The following ENTPD5 variants were observed in gnomAD, a reference collection of about 807,000 sequenced individuals.
ENTPD5 encodes nucleoside diphosphate phosphatase ENTPD5.
Under a neutral mutation model 60.2 loss-of-function variants are expected in ENTPD5, and 49 were observed. That is an observed-to-expected ratio of 0.81 (90% confidence interval 0.65 to 1.03). ENTPD5 has a LOEUF of 1.03. ENTPD5 is among the 50% of genes least tolerant of loss of function. The pLI, the probability that ENTPD5 is intolerant of heterozygous loss-of-function variation, is 0.00. For missense variants in ENTPD5, 480 were observed against 507.6 expected, an observed-to-expected ratio of 0.95 and a Z score of 0.52; for synonymous variants, 187 against 185.4, an observed-to-expected ratio of 1.01 and a Z score of -0.07.
chr14:74,011,052 C>T (rs2140862719), intron 3 of ENTPD5, 39 bp downstream of exon 3: 1 of 442,350 alleles, frequency 2.3e-6, no homozygotes, highest in Non-Finnish European at 3.0e-6. Context: ...GAAATCTGAC[C>T]TATGAAAAAG....
At chr14:73,971,822 T>A in intron 14 of ENTPD5, 30 bp downstream of exon 14, 1 of 1,553,236 alleles carries the variant, frequency 6.4e-7, no homozygotes, top group South Asian at 1.1e-5. Flanking sequence ...TCTCACAGGC[T>A]TACCTTCAAG....
At chr14:73,990,623 C>A (rs1434145679) in intron 3 of ENTPD5, among the ~76,000 whole-genome samples, 1 of 152,024 alleles carries the variant, frequency 6.6e-6, no homozygotes, top group Non-Finnish European at 1.5e-5. Context: ...GCCACTTCAC[C>A]CAGCCGGATT....
downstream of ENTPD5, chr14:73,959,079 G>A (rs376432164): frequency 6.2e-7 from 1 of 1,614,182 alleles, no homozygotes; most frequent in Non-Finnish European, 8.5e-7. Flanking sequence ...TTTATCAGAG[G>A]TAAGATCCTG....
At chr14:73,967,296 C>G (rs1459171825) in intron 15 of ENTPD5, among the ~76,000 whole-genome samples, 1 of 152,216 alleles carries the variant, frequency 6.6e-6, no homozygotes, top group African/African-American at 2.4e-5. Context: ...TTTAGACAGA[C>G]AGTATTCTGA....
chr14:74,015,095 A>G (rs899957675), intron 2 of ENTPD5, among the ~76,000 whole-genome samples: 1 of 148,786 alleles, frequency 6.7e-6, no homozygotes, highest in Non-Finnish European at 1.5e-5. Context: ...AAAAAAAAAA[A>G]GAAAGTAACT....
At chr14:73,994,719 A>G (rs2058275872) in intron 3 of ENTPD5, among the ~76,000 whole-genome samples, 1 of 145,270 alleles carries the variant, frequency 6.9e-6, no homozygotes, top group South Asian at 2.2e-4. Flanking sequence ...CGACAGAGCG[A>G]GACTCCATCT....
chr14:73,973,066 T>C (rs1412897379), intron 12 of ENTPD5, 42 bp from the exon 13 acceptor site: 22 of 1,608,368 alleles, frequency 1.4e-5, no homozygotes, highest in Non-Finnish European at 1.8e-5. Flanking sequence ...AGAACGACGC[T>C]GGGGGAAGGG....
At chr14:74,007,469 C>T (rs2058714945) in intron 3 of ENTPD5, among the ~76,000 whole-genome samples, 2 of 151,796 alleles carry the variant, frequency 1.3e-5, no homozygotes, top group Admixed American at 1.3e-4. Context: ...TTGCAGTGAG[C>T]TGAGATCACG....
intron 3 of ENTPD5, among the ~76,000 whole-genome samples, chr14:73,997,066 G>C (rs984727192): frequency 6.6e-6 from 1 of 152,146 alleles, no homozygotes; most frequent in African/African-American, 2.4e-5. Context: ...AACTTGGCTT[G>C]GAAGGGGAAA....
At chr14:74,018,955 G>A (rs943661131) in intron 1 of ENTPD5, 1 of 153,580 alleles carries the variant, frequency 6.5e-6, no homozygotes, top group African/African-American at 2.4e-5. Context: ...CAGAAGCGGA[G>A]CGGGGGCGAG....
Position 73,996,526 on chromosome 14 carries a change from T to C in ENTPD5, c.-70-8354A>G, listed in dbSNP as rs1048957236. Reference sequence around the variant, plus strand: ...TCTTAAAAAAAAAAAAAAAAAACTTTAGAAACCTGGGCATTCACCTGTCTA... The same window carrying C: ...TCTTAAAAAAAAAAAAAAAAAACTTCAGAAACCTGGGCATTCACCTGTCTA... On this transcript the variant is annotated intron_variant, in intron 3 of 15. Transcript: ENST00000334696. The C allele has an allele frequency of 2.0e-5, 3 of 151,788 alleles. No homozygotes were observed. The East Asian group carries it at 5.8e-4, about 29-fold the overall frequency. The allele number at this position is 151,788 out of a possible 1,614,324, so 9.4% of individuals were successfully genotyped here. A position where few individuals can be genotyped will look rare whatever the true frequency, so the allele number is the denominator to read the frequency against.
At position 73,988,909 on chromosome 14, in the gene ENTPD5, T is replaced by A. The variant is rs748425067; in HGVS notation, c.-70-737A>T. On this transcript the variant is annotated intron_variant, in intron 3 of 15. Coordinates refer to ENST00000334696, the MANE Select transcript of ENTPD5 (RefSeq NM_001249.5). ...CGCAATCTCAGCTCACTGAAACCTC[T>A]GCCTCCCGGGTTCATGTGATTCTCC... is the stretch of plus-strand genomic sequence containing the variant. Among the ~76,000 whole-genome samples, 98 of 152,136 alleles carry A rather than the reference T, an allele frequency of 6.4e-4. 1 individual carries two copies. The highest frequency in any genetic ancestry group is 8.2e-4 in the Non-Finnish European group (56 of 68,014).
downstream of ENTPD5, chr14:73,958,131 CT>C (rs1337348156): frequency 1.2e-6 from 2 of 1,612,172 alleles, no homozygotes; most frequent in African/African-American, 1.3e-5. Flanking sequence ...TTTTTCCTCT[CT>C]TTTGACCTCC....
intron 5 of ENTPD5, chr14:73,986,596 T>G: frequency 1.8e-6 from 1 of 550,628 alleles, no homozygotes; most frequent in East Asian, 3.0e-5. Flanking sequence ...AGTGTCATCC[T>G]TGCATTACCA....
At chr14:73,958,185 T>C (rs2056535741), downstream of ENTPD5, 1 of 1,614,052 alleles carries the variant, frequency 6.2e-7, no homozygotes, top group Admixed American at 1.7e-5. Flanking sequence ...AGCCATTCGC[T>C]ATACCTGGCC....
intron 3 of ENTPD5, among the ~76,000 whole-genome samples, chr14:74,007,513 C>A (rs1342813677): frequency 1.3e-5 from 2 of 151,436 alleles, no homozygotes; most frequent in African/African-American, 4.9e-5. Flanking sequence ...CAGAGCAAGA[C>A]TCCACCTTGG....
chr14:73,963,252 T>C lies in ENTPD5; in HGVS notation c.*3676A>G. Reference sequence around the variant, plus strand: ...CAATTTGGTTGAAAAGAGCTTTTTATTACTAAAAAACCCACAAGGTGCTGT... The same window carrying C: ...CAATTTGGTTGAAAAGAGCTTTTTACTACTAAAAAACCCACAAGGTGCTGT... On this transcript the variant is annotated 3_prime_UTR_variant, in exon 16 of 16. Transcript: ENST00000334696. 1 of 566,764 alleles carries C rather than the reference T, an allele frequency of 1.8e-6. No individual in the cohort carries two copies. Among genetic ancestry groups the C allele is most frequent in the Non-Finnish European group, 3.1e-6 (1 of 321,312 alleles). 35.1% of individuals were successfully genotyped at this position (566,764 alleles called of 1,614,324 possible).
chr14:73,976,075 C>T, intron 9 of ENTPD5, 60 bp from the exon 10 acceptor site: 2 of 1,369,332 alleles, frequency 1.5e-6, no homozygotes, highest in Non-Finnish European at 2.1e-6. Context: ...AAGATGTTCA[C>T]ACCACCACCC....
downstream of ENTPD5, among the ~76,000 whole-genome samples, chr14:73,962,197 C>T (rs1474551495): frequency 2.0e-5 from 3 of 152,042 alleles, no homozygotes; most frequent in Non-Finnish European, 2.9e-5. Context: ...CTGCCTGCCT[C>T]GGCCTCCCAA....
Sources: allele counts gnomAD v4.1 joint callset (sites outside exome capture counted in the v4.1 genomes callset), GRCh38; gene constraint gnomAD v4.1.1; transcripts MANE v1.5; gene names NCBI Gene and HGNC (gene_info 2026-07-23, HGNC 2026-07-21).